Variants in FBXO42 observed in about 807,000 individuals in gnomAD.
FBXO42 encodes the protein F-box only protein 42.
FBXO42 carries 12 observed loss-of-function variants against 71.7 expected under a neutral mutation model. That is an observed-to-expected ratio of 0.17 (90% CI 0.11 to 0.27). FBXO42 has a LOEUF of 0.27. Among genes scored for constraint, FBXO42 ranks in the 10% least tolerant of loss-of-function variants. The probability of loss-of-function intolerance (pLI) is 1.00; values close to 1 mark genes in which losing one functional copy is unlikely to be tolerated. For synonymous variants in FBXO42, 325 were observed against 327.5 expected (o/e 0.99, Z 0.08); for missense variants, 707 against 911.9 (o/e 0.78, Z 2.89).
intron 1 of FBXO42, among the ~76,000 whole-genome samples, chr1:16,330,402 G>C (rs532297540): frequency 8.2e-4 from 125 of 152,010 alleles, no homozygotes; most frequent in African/African-American, 2.9e-3. Context: ...CAGCTACTTG[G>C]GGGCTGGGGT....
chr1:16,253,010 G>C, intron 8 of FBXO42, 86 bp downstream of exon 8: 1 of 1,174,446 alleles, frequency 8.5e-7, no homozygotes, highest in Non-Finnish European at 1.2e-6. Context: ...AAATAGTCTT[G>C]TATACTCCTA....
At chr1:16,310,552 C>A (rs1353991808) in intron 2 of FBXO42, among the ~76,000 whole-genome samples, 1 of 151,872 alleles carries the variant, frequency 6.6e-6, no homozygotes, top group East Asian at 1.9e-4. Flanking sequence ...AACTGATAAG[C>A]CAGAATTCAT....
chr1:16,311,794 C>G (rs957596474), intron 2 of FBXO42, among the ~76,000 whole-genome samples: 1 of 152,078 alleles, frequency 6.6e-6, no homozygotes, highest in Non-Finnish European at 1.5e-5. Flanking sequence ...CCACTTAAAA[C>G]AGTTTGGCAG....
intron 4 of FBXO42, among the ~76,000 whole-genome samples, chr1:16,289,067 C>T (rs2082052340): frequency 6.6e-6 from 1 of 151,394 alleles, no homozygotes; most frequent in Non-Finnish European, 1.5e-5. Context: ...TGCCTTCCTT[C>T]ATTTCCTAAA....
intron 4 of FBXO42, among the ~76,000 whole-genome samples, chr1:16,263,897 A>G (rs1007544109): frequency 5.2e-5 from 7 of 135,804 alleles, no homozygotes; most frequent in Admixed American, 3.3e-4. Flanking sequence ...TGCAACTTCC[A>G]CCTCCCAGGT....
At chr1:16,263,803 T>A (rs1298687147) in intron 4 of FBXO42, among the ~76,000 whole-genome samples, 3 of 144,310 alleles carry the variant, frequency 2.1e-5, no homozygotes, top group Admixed American at 7.0e-5. Flanking sequence ...CGGCCATACA[T>A]TAACTTTTTT....
chr1:16,271,913 T>C (rs1047475673), intron 4 of FBXO42, among the ~76,000 whole-genome samples: 2 of 147,320 alleles, frequency 1.4e-5, no homozygotes, highest in African/African-American at 2.5e-5. Flanking sequence ...CTGAGGCGGG[T>C]GGATCACCTG....
At position 16,345,107 on chromosome 1, in the gene FBXO42, G is replaced by A. The variant is rs574498785; in HGVS notation, c.-18+7148C>T. 9.3e-5 allele frequency among the ~76,000 whole-genome samples: 14 copies of A among 151,162 alleles called. No individual in the cohort carries two copies. In the East Asian group the frequency reaches 1.4e-3, roughly 15 times the overall value. ...GAGTGAGACTCCGTCTCAAAAAAAC[G>A]ACAACAACAAAAAAACATATATATA... On this transcript the variant is annotated intron_variant, in intron 1 of 9. Transcript: ENST00000375592.
chr1:16,306,805 A>T (rs566792846), intron 2 of FBXO42, among the ~76,000 whole-genome samples: 40 of 151,700 alleles, frequency 2.6e-4, no homozygotes, highest in South Asian at 1.7e-3. Flanking sequence ...CTCAAGCAAT[A>T]CTCCTACCTC....
chr1:16,302,566 G>A (rs2082206089), intron 3 of FBXO42, among the ~76,000 whole-genome samples: 1 of 152,186 alleles, frequency 6.6e-6, no homozygotes, highest in African/African-American at 2.4e-5. Context: ...CTGTAGTGCA[G>A]TGGTGCAATC....
At chr1:16,281,351 G>A (rs2081961359) in intron 4 of FBXO42, among the ~76,000 whole-genome samples, 1 of 152,168 alleles carries the variant, frequency 6.6e-6, no homozygotes, top group African/African-American at 2.4e-5. Context: ...AAGAATCTGG[G>A]CGAACCAGCA....
chr1:16,332,004 G>A (rs980608680), intron 1 of FBXO42, among the ~76,000 whole-genome samples: 6 of 151,916 alleles, frequency 3.9e-5, no homozygotes, highest in Non-Finnish European at 5.9e-5. Flanking sequence ...AGCCGAGATC[G>A]TGCCATTGCA....
intron 1 of FBXO42, 29 bp downstream of exon 1, chr1:16,352,226 T>C (rs1249319416): frequency 5.1e-6 from 2 of 394,024 alleles, no homozygotes; most frequent in Non-Finnish European, 8.9e-6. Flanking sequence ...GGCTCCCCTC[T>C]GCGGCCCGGG....
In FBXO42 at chr1:16,252,086, G is replaced by A. The variant is rs1037766332; in HGVS notation, c.1038+202C>T. 6.6e-6 allele frequency among the ~76,000 whole-genome samples: 1 copy of A among 152,170 alleles called. No individual in the cohort carries two copies. Among genetic ancestry groups the A allele is most frequent in the African/African-American group, 2.4e-5 (1 of 41,446 alleles). On this transcript the variant is annotated intron_variant, in intron 9 of 9. Transcript: ENST00000375592. The surrounding 1 kb of genome is among the most constrained non-coding windows in gnomAD (Gnocchi z 4.4). ...CACAGACAAACAGATGCTTAAAGTT[G>A]GGACTTACTGAATGAGTAGGGCCCC... is the stretch of plus-strand genomic sequence containing the variant.
Position 16,308,485 on chromosome 1 carries a change from C to T in FBXO42, c.251-2566G>A, listed in dbSNP as rs567254371. 9.4e-5 allele frequency among the ~76,000 whole-genome samples: 14 copies of T among 149,094 alleles called. No individual in the cohort carries two copies. The East Asian group carries it at 2.6e-3, about 27-fold the overall frequency. Reference sequence around the variant, plus strand: ...TTTCAGCCTGGGAAACACAGTGAGACCCATCTCTCTTTTTTTTTTTTTTTT... The same window carrying T: ...TTTCAGCCTGGGAAACACAGTGAGATCCATCTCTCTTTTTTTTTTTTTTTT... On this transcript the variant is annotated intron_variant, in intron 2 of 9. Coordinates refer to ENST00000375592, the MANE Select transcript of FBXO42 (RefSeq NM_018994.3).
At chr1:16,322,772 A>G (rs1167009952) in intron 1 of FBXO42, among the ~76,000 whole-genome samples, 3 of 152,200 alleles carry the variant, frequency 2.0e-5, no homozygotes, top group African/African-American at 7.2e-5. Flanking sequence ...AGTAAGAAAC[A>G]AAAACCTCCC....
chr1:16,283,948 G>A (rs1040403872), intron 4 of FBXO42, among the ~76,000 whole-genome samples: 5 of 152,010 alleles, frequency 3.3e-5, no homozygotes, highest in African/African-American at 1.2e-4. Flanking sequence ...AACCGAAAAA[G>A]GCAGTATGAC....
intron 4 of FBXO42, among the ~76,000 whole-genome samples, chr1:16,281,924 G>A (rs2100502226): frequency 6.6e-6 from 1 of 151,714 alleles, no homozygotes; most frequent in Middle Eastern, 3.4e-3. Context: ...GATCCACCAA[G>A]TGAAGTCACT....
intron 3 of FBXO42, among the ~76,000 whole-genome samples, chr1:16,301,703 G>T (rs1051661601): frequency 6.8e-6 from 1 of 147,986 alleles, no homozygotes; most frequent in South Asian, 2.1e-4. Flanking sequence ...AAAAAGAAAC[G>T]GTACAAGAAT....
Sources: allele counts gnomAD v4.1 joint callset (sites outside exome capture counted in the v4.1 genomes callset), GRCh38; gene constraint gnomAD v4.1.1; non-coding constraint Gnocchi (gnomAD v3.1); transcripts MANE v1.5; gene names NCBI Gene and HGNC (gene_info 2026-07-23, HGNC 2026-07-21).